The following VSTM2L variants were observed in gnomAD, a reference collection of about 807,000 sequenced individuals.
The protein encoded by VSTM2L is V-set and transmembrane domain-containing protein 2-like protein.
A neutral mutation model predicts 19.9 loss-of-function variants in VSTM2L; 9 were observed. The ratio of observed to expected loss-of-function variants is 0.45; its 90% CI spans 0.27 to 0.79. The LOEUF is 0.79. Among genes scored for constraint, VSTM2L ranks in the 30% least tolerant of loss-of-function variants. The probability of loss-of-function intolerance (pLI) is 0.15; values close to 1 mark genes in which losing one functional copy is unlikely to be tolerated. For missense variants in VSTM2L, 286 were observed against 295.5 expected, an observed-to-expected ratio of 0.97 and a Z score of 0.24; for synonymous variants, 127 against 133.8, an observed-to-expected ratio of 0.95 and a Z score of 0.35.
chr20:37,917,622 CA>C (rs1375814429), intron 1 of VSTM2L, among the ~76,000 whole-genome samples: 1 of 152,276 alleles, frequency 6.6e-6, no homozygotes, highest in African/African-American at 2.4e-5. Context: ...TGCCACCCAG[CA>C]CGCCAGGGAG....
At chr20:37,931,231 T>C (rs1191897492) in intron 1 of VSTM2L, among the ~76,000 whole-genome samples, 1 of 152,044 alleles carries the variant, frequency 6.6e-6, no homozygotes, top group Non-Finnish European at 1.5e-5. Flanking sequence ...CTGGAGTAAC[T>C]CAGGAGGGGA....
At position 37,931,788 on chromosome 20, in the gene VSTM2L, C is replaced by T. The variant is rs146022041; in HGVS notation, c.275C>T (p.Ala92Val). ...CACCGGGACTGGACCGACAAGCAGGCGTGGGCCTCGAACCAGGTAATGCCC... is the reference window on the plus strand; with the variant it reads ...CACCGGGACTGGACCGACAAGCAGGTGTGGGCCTCGAACCAGGTAATGCCC... Reference protein sequence around the residue: ...RSHRDWTDKQAWASNQLKASQ... With the variant: ...RSHRDWTDKQVWASNQLKASQ... The change falls in exon 2 of 4, where the codon GCG (alanine) becomes GTG (valine). Residue 92 changes from alanine (A) to valine (V), a missense_variant. Physicochemically the swap from Ala to Val is moderately conservative, Grantham distance 64 (BLOSUM62 0). Transcript: ENST00000373461. 6.0e-3 allele frequency: 9,656 copies of T among 1,613,712 alleles called. 162 individuals are homozygous for T. Among genetic ancestry groups the T allele is most frequent in the South Asian group, 0.048 (4,409 of 91,046 alleles).
chr20:37,927,226 A>G (rs1377548386), intron 1 of VSTM2L, among the ~76,000 whole-genome samples: 1 of 152,218 alleles, frequency 6.6e-6, no homozygotes, highest in Non-Finnish European at 1.5e-5. Context: ...CGGTCCCCCA[A>G]AATGCTGGGA....
In VSTM2L at chr20:37,930,848, G is replaced by A. The variant is rs183720168; in HGVS notation, c.122-787G>A. Among the ~76,000 whole-genome samples the A allele has an allele frequency of 7.9e-5, 12 of 152,284 alleles. No homozygotes were observed. In the East Asian group the frequency reaches 1.6e-3, roughly 20 times the overall value. On this transcript the variant is annotated intron_variant, in intron 1 of 3. Coordinates refer to ENST00000373461, the MANE Select transcript of VSTM2L (RefSeq NM_080607.3). ...TCCGCCGAGCAGCTGCTCTGCGCCC[G>A]CAACTGCCAGCGGCAGGAGCTCTGT... is the stretch of plus-strand genomic sequence containing the variant.
chr20:37,908,141 A>G lies in VSTM2L; in HGVS notation c.121+4670A>G, dbSNP rs1239077106. 2.6e-5 allele frequency among the ~76,000 whole-genome samples: 4 copies of G among 152,036 alleles called. No individual in the cohort carries two copies. The East Asian group carries it at 7.7e-4, about 29-fold the overall frequency. On this transcript the variant is annotated intron_variant, in intron 1 of 3. Coordinates refer to ENST00000373461, the MANE Select transcript of VSTM2L (RefSeq NM_080607.3). ...AAGCGGTTTTCCCCAAGTCCTTCAC[A>G]CCAATTGGTTTTGACACCTTGCCCA...
chr20:37,941,469 A>G (rs76145137), intron 3 of VSTM2L, among the ~76,000 whole-genome samples: 2,199 of 151,498 alleles, frequency 0.015, 49 homozygotes, highest in African/African-American at 0.051. Flanking sequence ...GCAGATTGGT[A>G]AGACGATTAG....
intron 1 of VSTM2L, among the ~76,000 whole-genome samples, chr20:37,908,541 G>C (rs530549690): frequency 6.6e-6 from 1 of 152,202 alleles, no homozygotes; most frequent in Non-Finnish European, 1.5e-5. Flanking sequence ...GGCTGGGCAC[G>C]GCGGCTCATG....
intron 1 of VSTM2L, among the ~76,000 whole-genome samples, chr20:37,915,190 G>A (rs996846555): frequency 2.6e-5 from 4 of 152,160 alleles, no homozygotes; most frequent in African/African-American, 9.7e-5. Flanking sequence ...GACAGCGGCT[G>A]AGGGCCCCTG....
At chr20:37,940,802 A>G (rs900769056) in intron 3 of VSTM2L, among the ~76,000 whole-genome samples, 2 of 152,266 alleles carry the variant, frequency 1.3e-5, no homozygotes. Flanking sequence ...GAAGCAAGGC[A>G]TGTCTTACGT....
intron 1 of VSTM2L, among the ~76,000 whole-genome samples, chr20:37,925,914 C>T (rs542714534): frequency 6.6e-6 from 1 of 152,336 alleles, no homozygotes; most frequent in Non-Finnish European, 1.5e-5. Context: ...GCGAGGGCAA[C>T]ACCTCCTCCA....
intron 1 of VSTM2L, among the ~76,000 whole-genome samples, chr20:37,916,672 A>G (rs935473365): frequency 3.3e-5 from 5 of 152,222 alleles, no homozygotes; most frequent in African/African-American, 4.8e-5. Context: ...GAGGACAATG[A>G]TAGTGGCCAC....
At chr20:37,932,602 G>A (rs1351362974) in intron 2 of VSTM2L, among the ~76,000 whole-genome samples, 3 of 152,164 alleles carry the variant, frequency 2.0e-5, no homozygotes, top group Non-Finnish European at 4.4e-5. Context: ...GTGGGACGAA[G>A]CTCCAATTGC....
chr20:37,914,551 A>C (rs1173629009), intron 1 of VSTM2L, among the ~76,000 whole-genome samples: 1 of 151,350 alleles, frequency 6.6e-6, no homozygotes, highest in Non-Finnish European at 1.5e-5. Context: ...GTCCTTGCAC[A>C]CACCAAGTTC....
chr20:37,938,552 C>A (rs1360079059), intron 3 of VSTM2L, among the ~76,000 whole-genome samples: 1 of 152,204 alleles, frequency 6.6e-6, no homozygotes, highest in East Asian at 1.9e-4. Flanking sequence ...CCCAGCCTGC[C>A]CAATGTGAGC....
chr20:37,912,724 C>T lies in VSTM2L; in HGVS notation c.121+9253C>T, dbSNP rs1022427611. On this transcript the variant is annotated intron_variant, in intron 1 of 3. Transcript: ENST00000373461. Reference sequence around the variant, plus strand: ...AGGAGTCAGAGCCGGGAGAGGGGGCCTTTCTCCAGCAAGCTACCAGCGAGC... The same window carrying T: ...AGGAGTCAGAGCCGGGAGAGGGGGCTTTTCTCCAGCAAGCTACCAGCGAGC... Among the ~76,000 whole-genome samples the T allele has an allele frequency of 2.0e-5, 3 of 152,088 alleles. No individual in the cohort carries two copies. The East Asian group carries it at 5.8e-4, about 29-fold the overall frequency.
Position 37,944,382 on chromosome 20 carries a change from G to A in VSTM2L, c.*129G>A, listed in dbSNP as rs2072995597. On this transcript the variant is annotated 3_prime_UTR_variant, in exon 4 of 4. Coordinates refer to ENST00000373461, the MANE Select transcript of VSTM2L (RefSeq NM_080607.3). Reference sequence around the variant, plus strand: ...CCCCGAGGCCGCCTGTGGCCACCATGTCGGCCCTCTTTCCACCACCCCTTG... The same window carrying A: ...CCCCGAGGCCGCCTGTGGCCACCATATCGGCCCTCTTTCCACCACCCCTTG... 6 of 1,286,096 alleles carry A rather than the reference G, an allele frequency of 4.7e-6. No individual in the cohort carries two copies. Among genetic ancestry groups the A allele is most frequent in the African/African-American group, 3.0e-5 (2 of 65,754 alleles). The allele number at this position is 1,286,096 out of a possible 1,614,324, so 79.7% of individuals were successfully genotyped here.
chr20:37,929,560 G>C (rs2072897063), intron 1 of VSTM2L, among the ~76,000 whole-genome samples: 1 of 152,186 alleles, frequency 6.6e-6, no homozygotes. Context: ...AGAGTGGTGA[G>C]TAGAGCAGGG....
At chr20:37,926,400 C>T (rs949344899) in intron 1 of VSTM2L, among the ~76,000 whole-genome samples, 3 of 151,984 alleles carry the variant, frequency 2.0e-5, no homozygotes, top group South Asian at 2.1e-4. Flanking sequence ...TAGGGCCAGG[C>T]GCGGTGGCTC....
At chr20:37,933,972 G>C (rs1443531216) in intron 3 of VSTM2L, among the ~76,000 whole-genome samples, 2 of 152,250 alleles carry the variant, frequency 1.3e-5, no homozygotes, top group African/African-American at 4.8e-5. Flanking sequence ...GTCACTTGGT[G>C]ATCTGGCCCC....
Sources: allele counts gnomAD v4.1 joint callset (sites outside exome capture counted in the v4.1 genomes callset), GRCh38; gene constraint gnomAD v4.1.1; transcripts MANE v1.5; gene names NCBI Gene and HGNC (gene_info 2026-07-23, HGNC 2026-07-21).